The following ANO10 variants were observed in gnomAD, a reference collection of about 807,000 sequenced individuals.
The protein encoded by ANO10 is anoctamin 10.
Under a neutral mutation model 74.7 loss-of-function variants are expected in ANO10, and 77 were observed. The observed-to-expected ratio is 1.03, with a 90% CI of 0.86 to 1.25. The LOEUF (loss-of-function observed/expected upper bound fraction) is 1.25, where lower values mean the gene tolerates loss of function less well. Ranked by LOEUF, ANO10 falls within the 50% of genes most tolerant of loss-of-function variation. The probability of loss-of-function intolerance (pLI) is 0.00; values close to 1 mark genes in which losing one functional copy is unlikely to be tolerated. For synonymous variants in ANO10, 279 were observed against 284.9 expected (o/e 0.98, Z 0.21); for missense variants, 721 against 778.1 (o/e 0.93, Z 0.87).
chr3:43,473,956 G>C (rs2075964830), intron 11 of ANO10, among the ~76,000 whole-genome samples: 1 of 152,148 alleles, frequency 6.6e-6, no homozygotes, highest in Non-Finnish European at 1.5e-5. Context: ...GGGCTGAGGA[G>C]GGTTCAGAGC....
chr3:43,538,387 C>T (rs1012943974), intron 11 of ANO10, among the ~76,000 whole-genome samples: 2 of 152,098 alleles, frequency 1.3e-5, no homozygotes, highest in Non-Finnish European at 2.9e-5. Context: ...CCAGCTCTTC[C>T]AAAAGAAGGG....
chr3:43,445,902 G>A (rs1416624983), intron 11 of ANO10, among the ~76,000 whole-genome samples: 1 of 152,070 alleles, frequency 6.6e-6, no homozygotes, highest in African/African-American at 2.4e-5. Flanking sequence ...GTTTTGCCAT[G>A]TTGCCCAGGC....
chr3:43,631,853 C>T (rs1157181479), intron 1 of ANO10, among the ~76,000 whole-genome samples: 4 of 151,520 alleles, frequency 2.6e-5, no homozygotes, highest in Non-Finnish European at 1.5e-5. Context: ...GAGGCCAAGG[C>T]GGGTGGATCA....
At chr3:43,655,762 G>T (rs1285270525) in intron 1 of ANO10, among the ~76,000 whole-genome samples, 3 of 151,660 alleles carry the variant, frequency 2.0e-5, no homozygotes, top group African/African-American at 7.3e-5. Flanking sequence ...TAGACACAGG[G>T]TGCTGATTGG....
chr3:43,611,347 A>T (rs1442794031), intron 1 of ANO10, among the ~76,000 whole-genome samples: 1 of 152,180 alleles, frequency 6.6e-6, no homozygotes, highest in Non-Finnish European at 1.5e-5. Flanking sequence ...CATGAGTGAG[A>T]AATCTATTAT....
At chr3:43,617,593 T>C (rs907648958) in intron 1 of ANO10, among the ~76,000 whole-genome samples, 2 of 151,740 alleles carry the variant, frequency 1.3e-5, no homozygotes, top group African/African-American at 2.4e-5. Context: ...GGTCAAGATG[T>C]AGAGAAACAC....
At chr3:43,595,115 C>A (rs1442986178) in intron 4 of ANO10, among the ~76,000 whole-genome samples, 1 of 152,006 alleles carries the variant, frequency 6.6e-6, no homozygotes. Flanking sequence ...ATTGAGGCAA[C>A]AATTAAGAGA....
intron 11 of ANO10, among the ~76,000 whole-genome samples, chr3:43,464,119 G>A (rs1045136105): frequency 2.6e-5 from 4 of 151,926 alleles, no homozygotes; most frequent in African/African-American, 9.7e-5. Context: ...TCTTTCTTTT[G>A]TAAATTGCCC....
At chr3:43,403,741 G>A (rs2092525677) in intron 12 of ANO10, among the ~76,000 whole-genome samples, 1 of 152,182 alleles carries the variant, frequency 6.6e-6, no homozygotes, top group Non-Finnish European at 1.5e-5. Context: ...TTACCTATAA[G>A]CTTAACTATA....
intron 12 of ANO10, among the ~76,000 whole-genome samples, chr3:43,373,054 G>C (rs2091674612): frequency 6.6e-6 from 1 of 152,176 alleles, no homozygotes; most frequent in African/African-American, 2.4e-5. Flanking sequence ...CACACCAGTA[G>C]GATGGGCTTT....
intron 1 of ANO10, among the ~76,000 whole-genome samples, chr3:43,678,042 G>GT (rs2084145571): frequency 6.6e-6 from 1 of 152,214 alleles, no homozygotes; most frequent in African/African-American, 2.4e-5. Flanking sequence ...TAAACCCACT[G>GT]TAAGTTGAAA....
chr3:43,462,841 C>T (rs921471481), intron 11 of ANO10, among the ~76,000 whole-genome samples: 7 of 152,168 alleles, frequency 4.6e-5, no homozygotes, highest in Non-Finnish European at 8.8e-5. Flanking sequence ...GTGTCCCAGC[C>T]ACTCCAGCCG....
chr3:43,551,329 C>T (rs1236713198), intron 10 of ANO10: 2 of 332,684 alleles, frequency 6.0e-6, no homozygotes, highest in Non-Finnish European at 1.2e-5. Context: ...TATGACAGTG[C>T]CTGGCTTCCT....
At chr3:43,647,693 T>C (rs2083741788) in intron 1 of ANO10, among the ~76,000 whole-genome samples, 1 of 152,218 alleles carries the variant, frequency 6.6e-6, no homozygotes, top group Non-Finnish European at 1.5e-5. Context: ...CAAATCCTTT[T>C]ACTGTCTAAT....
At chr3:43,458,384 G>T (rs1389987080) in intron 11 of ANO10, among the ~76,000 whole-genome samples, 1 of 152,138 alleles carries the variant, frequency 6.6e-6, no homozygotes, top group Non-Finnish European at 1.5e-5. Context: ...TTCTTGGAAG[G>T]ATGTTTCTAG....
At chr3:43,546,466 A>G (rs760767681) in intron 11 of ANO10, among the ~76,000 whole-genome samples, 16 of 152,222 alleles carry the variant, frequency 1.1e-4, no homozygotes, top group Admixed American at 1.3e-4. Flanking sequence ...ATGATTTTGC[A>G]AACTTTGCAT....
At chr3:43,433,007 A>G (rs928297069) in intron 11 of ANO10, among the ~76,000 whole-genome samples, 2 of 119,434 alleles carry the variant, frequency 1.7e-5, no homozygotes, top group Non-Finnish European at 3.3e-5. Context: ...CCCAGGCTAG[A>G]GGAGTGCAGT....
chr3:43,670,971 T>G (rs1020095234), intron 1 of ANO10, among the ~76,000 whole-genome samples: 1 of 152,198 alleles, frequency 6.6e-6, no homozygotes, highest in African/African-American at 2.4e-5. Flanking sequence ...CTAGAGCATA[T>G]GATATACTCA....
At chr3:43,370,939 T>G (rs980483351) in intron 12 of ANO10, among the ~76,000 whole-genome samples, 1 of 152,298 alleles carries the variant, frequency 6.6e-6, no homozygotes, top group East Asian at 1.9e-4. Context: ...AGACCTGGAA[T>G]GGCCATGGTG....
Sources: allele counts gnomAD v4.1 joint callset (sites outside exome capture counted in the v4.1 genomes callset), GRCh38; gene constraint gnomAD v4.1.1; transcripts MANE v1.5; gene names NCBI Gene and HGNC (gene_info 2026-07-23, HGNC 2026-07-21).